The following SLC39A10 variants were observed in gnomAD, a reference collection of about 807,000 sequenced individuals.
SLC39A10 encodes the protein solute carrier family 39 member 10.
Under a neutral mutation model 65.1 loss-of-function variants are expected in SLC39A10, and 13 were observed. The ratio of observed to expected loss-of-function variants is 0.20; its 90% CI spans 0.13 to 0.32. SLC39A10 has a LOEUF of 0.32. Among genes scored for constraint, SLC39A10 ranks in the 10% least tolerant of loss-of-function variants. The probability of loss-of-function intolerance (pLI) is 1.00; values close to 1 mark genes in which losing one functional copy is unlikely to be tolerated. For synonymous variants in SLC39A10, 321 were observed against 342.2 expected (o/e 0.94, Z 0.68); for missense variants, 831 against 1,018.4 (o/e 0.82, Z 2.50).
intron 2 of SLC39A10, among the ~76,000 whole-genome samples, chr2:195,617,940 C>T (rs1180751743): frequency 4.0e-5 from 6 of 149,486 alleles, no homozygotes; most frequent in African/African-American, 9.8e-5. Flanking sequence ...GGGGTTTCAC[C>T]ATGTTAGCCA....
At chr2:195,661,487 A>G (rs1171349781) in intron 1 of SLC39A10, among the ~76,000 whole-genome samples, 2 of 152,132 alleles carry the variant, frequency 1.3e-5, no homozygotes, top group Admixed American at 6.6e-5. Flanking sequence ...CAATCCTCCC[A>G]TCTTGGCCTC....
rs774207497 is a variant in SLC39A10, at chr2:195,637,225, C to T, written c.-12+30992C>T. On this transcript the variant is annotated intron_variant, in intron 2 of 2. Coordinates refer to the SLC39A10 transcript ENST00000458054. Reference sequence around the variant, plus strand: ...CTCACACTGCAATGCTCCTGGGCTGCCAAATTTTAGGGGAAAGCTTTCTCC... The same window carrying T: ...CTCACACTGCAATGCTCCTGGGCTGTCAAATTTTAGGGGAAAGCTTTCTCC... 2.8e-4 allele frequency among the ~76,000 whole-genome samples: 42 copies of T among 152,078 alleles called. 1 individual carries two copies. The highest frequency in any genetic ancestry group is 5.3e-4 in the Non-Finnish European group (36 of 68,028).
At chr2:195,722,113 A>G (rs539951453) in intron 8 of SLC39A10, among the ~76,000 whole-genome samples, 42 of 152,312 alleles carry the variant, frequency 2.8e-4, no homozygotes, top group Non-Finnish European at 4.4e-4. Flanking sequence ...CTCTGCTTGG[A>G]CCAGGAACCC....
At chr2:195,691,531 T>A (rs1690739221) in intron 3 of SLC39A10, among the ~76,000 whole-genome samples, 1 of 152,204 alleles carries the variant, frequency 6.6e-6, no homozygotes, top group Non-Finnish European at 1.5e-5. Context: ...ACATCTATTA[T>A]TTTTTGGTTT....
rs1367530855 is a variant in SLC39A10, at chr2:195,680,585, C to A, written c.543C>A (p.His181Gln). 2.5e-6 allele frequency: 4 copies of A among 1,613,946 alleles called. No homozygotes were observed. The highest frequency in any genetic ancestry group is 3.4e-6 in the Non-Finnish European group (4 of 1,180,030). Reference sequence around the variant, plus strand: ...ACCATAATCACCGCCTACGTCATCACCATCGTTTGCATCATCATCTTGATC... The same window carrying A: ...ACCATAATCACCGCCTACGTCATCAACATCGTTTGCATCATCATCTTGATC... ...MHDHNHRLRH[H>Q]HRLHHHLDHN... Residue 181 changes from histidine (H) to glutamine (Q), a missense_variant, in exon 2 of 10, where the codon CAC becomes CAA. Around this residue, in one of 4 missense-constraint regions of SLC39A10, gnomAD observed 446 missense variants for 499.2 expected, o/e 0.89. Transcript: ENST00000359634.
intron 1 of SLC39A10, among the ~76,000 whole-genome samples, chr2:195,660,398 T>C (rs1559020041): frequency 6.6e-6 from 1 of 152,338 alleles, no homozygotes; most frequent in East Asian, 1.9e-4. Flanking sequence ...ATCTTTTATG[T>C]AAGTGTAATT....
intron 2 of SLC39A10, among the ~76,000 whole-genome samples, chr2:195,619,214 G>A (rs1040947140): frequency 2.6e-5 from 4 of 152,002 alleles, no homozygotes; most frequent in Non-Finnish European, 5.9e-5. Context: ...CCTGAACTTA[G>A]GTAGTAGAGT....
intron 1 of SLC39A10, among the ~76,000 whole-genome samples, chr2:195,661,148 A>G (rs10171083): frequency 0.046 from 7,023 of 152,272 alleles, 246 homozygotes; most frequent in African/African-American, 0.096. Context: ...TACAAAATCT[A>G]CTTTACAGAA....
At chr2:195,644,852 G>A (rs1688879451) in intron 2 of SLC39A10, among the ~76,000 whole-genome samples, 1 of 150,806 alleles carries the variant, frequency 6.6e-6, no homozygotes, top group Admixed American at 6.6e-5. Context: ...TTATGTTCAA[G>A]TTTTGCCCAG....
rs746962471 is a variant in SLC39A10, at chr2:195,680,163, C to G, written c.121C>G (p.Arg41Gly). ...HGPEALHRQH[R>G]GMTELEPSKF... ...CCCTGAAGCGCTTCACAGACAGCAT[C>G]GTGGAATGACAGAATTGGAGCCAAG... The change falls in exon 2 of 10, where the codon CGT becomes GGT. Residue 41 changes from arginine (R) to glycine (G), a missense_variant. Arg to Gly is a moderately radical substitution (Grantham distance 125, BLOSUM62 -2). Transcript: ENST00000359634. 2.5e-5 allele frequency: 41 copies of G among 1,613,816 alleles called. 1 individual carries two copies. The highest frequency in any genetic ancestry group is 2.2e-4 in the South Asian group (20 of 91,040).
chr2:195,690,738 T>C (rs1690708306), intron 3 of SLC39A10, among the ~76,000 whole-genome samples: 1 of 152,220 alleles, frequency 6.6e-6, no homozygotes, highest in South Asian at 2.1e-4. Context: ...TTGTTGAATT[T>C]TAGGAGTTCT....
chr2:195,680,110 A>G lies in SLC39A10; in HGVS notation c.68A>G (p.Asn23Ser), dbSNP rs765395014. 1 of 1,612,692 alleles carries G rather than the reference A, an allele frequency of 6.2e-7. No homozygotes were observed. Among genetic ancestry groups the G allele is most frequent in the South Asian group, 1.1e-5 (1 of 90,338 alleles). The part of the protein sequence containing the change: ...CLLTFIFHHC[N>S]HCHEEHDHGP... Reference sequence around the variant, plus strand: ...CTGACATTTATTTTTCATCATTGCAACCATTGCCATGAAGAACATGACCAT... The same window carrying G: ...CTGACATTTATTTTTCATCATTGCAGCCATTGCCATGAAGAACATGACCAT... The change falls in exon 2 of 10, where the codon AAC becomes AGC. Residue 23 changes from asparagine to serine, a missense_variant. Around this residue, in one of 4 missense-constraint regions of SLC39A10, gnomAD observed 446 missense variants for 499.2 expected, o/e 0.89. Transcript: ENST00000359634.
At chr2:195,659,605 A>T (rs1689303449) in intron 1 of SLC39A10, among the ~76,000 whole-genome samples, 1 of 152,212 alleles carries the variant, frequency 6.6e-6, no homozygotes, top group African/African-American at 2.4e-5. Flanking sequence ...GAAAAAATTT[A>T]GGGCTTTGGA....
intron 2 of SLC39A10, among the ~76,000 whole-genome samples, chr2:195,644,751 G>A (rs1200090310): frequency 1.3e-5 from 2 of 151,322 alleles, no homozygotes; most frequent in Non-Finnish European, 2.9e-5. Flanking sequence ...GCTGCACTGA[G>A]CTTTATCACG....
chr2:195,679,613 C>T (rs1381763944), intron 1 of SLC39A10, among the ~76,000 whole-genome samples: 1 of 152,162 alleles, frequency 6.6e-6, no homozygotes, highest in Non-Finnish European at 1.5e-5. Flanking sequence ...TTATTTCTCT[C>T]AGTAATTTTC....
intron 2 of SLC39A10, among the ~76,000 whole-genome samples, chr2:195,647,693 TCCA>T (rs61694088): frequency 0.96 from 144,438 of 149,708 alleles, 70,009 homozygotes; most frequent in Non-Finnish European, 1. Flanking sequence ...TTAATTACCA[TCCA>T]CCACCACCAC....
chr2:195,636,545 G>A (rs1273376699), intron 2 of SLC39A10, among the ~76,000 whole-genome samples: 6 of 151,776 alleles, frequency 4.0e-5, no homozygotes, highest in African/African-American at 1.5e-4. Flanking sequence ...AGGTCAGGAG[G>A]TCGAGACCAT....
chr2:195,645,816 A>G (rs531051587), intron 2 of SLC39A10, among the ~76,000 whole-genome samples: 181 of 152,374 alleles, frequency 1.2e-3, no homozygotes, highest in African/African-American at 3.8e-3. Flanking sequence ...AAAAATAAAA[A>G]TTAAAATAAA....
intron 9 of SLC39A10, among the ~76,000 whole-genome samples, chr2:195,729,512 T>G (rs924151856): frequency 2.6e-5 from 4 of 152,194 alleles, no homozygotes; most frequent in African/African-American, 9.6e-5. Flanking sequence ...TCTGCTTACC[T>G]TGCTGTATCT....
Sources: allele counts gnomAD v4.1 joint callset (sites outside exome capture counted in the v4.1 genomes callset), GRCh38; gene constraint gnomAD v4.1.1; regional missense constraint gnomAD v4.1.1; transcripts MANE v1.5; gene names NCBI Gene and HGNC (gene_info 2026-07-23, HGNC 2026-07-21).